ZNF438: variants seen among roughly 807,000 people sequenced by gnomAD.
The protein encoded by ZNF438 is zinc finger protein 438.
Under a neutral mutation model 38.0 loss-of-function variants are expected in ZNF438, and 25 were observed. The observed-to-expected ratio is 0.66, with a 90% CI of 0.48 to 0.92. The LOEUF (loss-of-function observed/expected upper bound fraction) is 0.92, where lower values mean the gene tolerates loss of function less well. Among genes scored for constraint, ZNF438 ranks in the 40% least tolerant of loss-of-function variants. The pLI, the probability that ZNF438 is intolerant of heterozygous loss-of-function variation, is 0.00. For missense variants in ZNF438, 1,007 were observed against 999.6 expected, an observed-to-expected ratio of 1.01 and a Z score of -0.10; for synonymous variants, 372 against 364.1, an observed-to-expected ratio of 1.02 and a Z score of -0.25.
At chr10:30,921,056 T>G (rs1194108589) in intron 2 of ZNF438, 2 of 152,212 alleles carry the variant, frequency 1.3e-5, no homozygotes, top group African/African-American at 4.8e-5. Context: ...AAGTTAATGT[T>G]TCTTGGGAAG....
intron 1 of ZNF438, 44 bp downstream of exon 1, chr10:31,031,789 G>A: frequency 6.5e-6 from 1 of 153,978 alleles, no homozygotes; most frequent in Non-Finnish European, 1.4e-5. Context: ...GCTGCCAGCG[G>A]GCCCCGCAAG....
At chr10:30,860,269 CCTCA>C (rs2079584797) in intron 4 of ZNF438, among the ~76,000 whole-genome samples, 1 of 152,156 alleles carries the variant, frequency 6.6e-6, no homozygotes, top group South Asian at 2.1e-4. Flanking sequence ...TGCTGGGTTT[CCTCA>C]CTCACTCTAT....
At chr10:31,028,833 C>G (rs1411473387) in intron 1 of ZNF438, among the ~76,000 whole-genome samples, 1 of 152,282 alleles carries the variant, frequency 6.6e-6, no homozygotes, top group Middle Eastern at 3.4e-3. Context: ...AAGAGACAGA[C>G]CTTGCCCCTA....
chr10:30,968,690 C>T (rs1216050782), intron 1 of ZNF438, among the ~76,000 whole-genome samples: 1 of 152,066 alleles, frequency 6.6e-6, no homozygotes, highest in Non-Finnish European at 1.5e-5. Context: ...TATCCGCCCA[C>T]CTAGCCCTCC....
chr10:30,985,159 G>C (rs1395344752), intron 1 of ZNF438, among the ~76,000 whole-genome samples: 5 of 152,058 alleles, frequency 3.3e-5, no homozygotes, highest in Non-Finnish European at 5.9e-5. Flanking sequence ...CTTAAAGACA[G>C]CACCCAGGCA....
At chr10:31,032,098 C>T (rs1046618623), upstream of ZNF438, among the ~76,000 whole-genome samples, 18 of 152,204 alleles carry the variant, frequency 1.2e-4, no homozygotes, top group Non-Finnish European at 2.1e-4. Flanking sequence ...GGCGACTGCT[C>T]TACCAAAGCC....
At chr10:30,881,757 T>C (rs1035999748) in intron 3 of ZNF438, among the ~76,000 whole-genome samples, 3 of 151,196 alleles carry the variant, frequency 2.0e-5, no homozygotes, top group African/African-American at 4.9e-5. Context: ...TGCAACAAAA[T>C]AGAGAGTCCA....
At chr10:31,010,890 TTGAAAAAAA>T (rs2055612063) in intron 1 of ZNF438, among the ~76,000 whole-genome samples, 1 of 72,566 alleles carries the variant, frequency 1.4e-5, no homozygotes, top group Non-Finnish European at 2.4e-5. Flanking sequence ...GAGACCCTGT[TTGAAAAAAA>T]AAAAAAAAAA....
intron 1 of ZNF438, among the ~76,000 whole-genome samples, chr10:30,999,830 A>C (rs2054462017): frequency 6.6e-6 from 1 of 152,158 alleles, no homozygotes; most frequent in Non-Finnish European, 1.5e-5. Flanking sequence ...TCCTCCCCTC[A>C]ATTTACACCT....
intron 2 of ZNF438, among the ~76,000 whole-genome samples, chr10:30,940,489 G>GCAGGAAAACCAGTACAA (rs2046703176): frequency 6.6e-6 from 1 of 152,160 alleles, no homozygotes; most frequent in East Asian, 1.9e-4. Context: ...GACATCACAG[G>GCAGGAAAACCAGTACAA]CAGGAAAACC....
intron 1 of ZNF438, among the ~76,000 whole-genome samples, chr10:31,008,730 C>T (rs1255592626): frequency 6.6e-6 from 1 of 152,162 alleles, no homozygotes; most frequent in East Asian, 1.9e-4. Flanking sequence ...AATAATGTTA[C>T]TAGCATTTAT....
chr10:30,899,150 C>A (rs1384948078), intron 3 of ZNF438, among the ~76,000 whole-genome samples: 2 of 152,148 alleles, frequency 1.3e-5, no homozygotes, highest in African/African-American at 4.8e-5. Context: ...GGGTGCAAGT[C>A]TGTCACATTC....
intron 4 of ZNF438, among the ~76,000 whole-genome samples, chr10:30,853,024 G>C (rs1279100494): frequency 6.6e-6 from 1 of 151,864 alleles, no homozygotes; most frequent in Non-Finnish European, 1.5e-5. Flanking sequence ...TTTAAATCAG[G>C]ATTGAGAGAC....
chr10:30,870,225 T>A (rs1168392142), intron 4 of ZNF438, among the ~76,000 whole-genome samples: 1 of 152,230 alleles, frequency 6.6e-6, no homozygotes, highest in African/African-American at 2.4e-5. Flanking sequence ...ATTTGCCTAC[T>A]TGCTAAAATT....
In ZNF438 at chr10:30,951,243, G is replaced by A. The variant is rs552584916; in HGVS notation, c.-191-9592C>T. 1.9e-4 allele frequency among the ~76,000 whole-genome samples: 28 copies of A among 151,076 alleles called. No individual in the cohort carries two copies. In the South Asian group the frequency reaches 3.4e-3, roughly 18 times the overall value. ...TCAATAAATTAGGTATTGATGGAACGTATTTCAAAATAATAAGAGCTATCT... is the reference window on the plus strand; with the variant it reads ...TCAATAAATTAGGTATTGATGGAACATATTTCAAAATAATAAGAGCTATCT... On this transcript the variant is annotated intron_variant, in intron 1 of 5. Coordinates refer to ENST00000413025, the Ensembl canonical transcript of ZNF438.
In ZNF438 at chr10:30,947,550, C is replaced by T. The variant is rs533953899; in HGVS notation, c.-191-5899G>A. 9.5e-3 allele frequency among the ~76,000 whole-genome samples: 1,441 copies of T among 152,386 alleles called. 21 individuals carry two copies. The highest frequency in any genetic ancestry group is 0.032 in the African/African-American group (1,323 of 41,598). On this transcript the variant is annotated intron_variant, in intron 1 of 5. Coordinates refer to ENST00000413025, the Ensembl canonical transcript of ZNF438. ...GGCCTCCTTGAGCTGTGGTGGGCTC[C>T]GCCCAGTTGGAGCTTCCCGGCTGCT...
intron 2 of ZNF438, among the ~76,000 whole-genome samples, chr10:30,930,196 G>C (rs1421890128): frequency 6.6e-6 from 1 of 152,174 alleles, no homozygotes; most frequent in Non-Finnish European, 1.5e-5. Flanking sequence ...GGCATGGTGG[G>C]TTGCAGGTCC....
intron 1 of ZNF438, among the ~76,000 whole-genome samples, chr10:31,015,322 A>T (rs1372121458): frequency 6.6e-6 from 1 of 152,176 alleles, no homozygotes; most frequent in Non-Finnish European, 1.5e-5. Context: ...ACGTAAGATA[A>T]TTCAACAAAT....
chr10:30,958,714 A>G (rs2049140039), intron 1 of ZNF438, among the ~76,000 whole-genome samples: 1 of 146,974 alleles, frequency 6.8e-6, no homozygotes, highest in African/African-American at 2.4e-5. Context: ...GTTCATATGC[A>G]GTCAATTCCT....
Sources: gnomAD v4.1 joint callset for allele counts (sites outside exome capture counted in the v4.1 genomes callset) on GRCh38, gnomAD v4.1.1 for gene constraint, MANE v1.5 for transcripts, NCBI Gene and HGNC (gene_info 2026-07-23, HGNC 2026-07-21) for gene names.